The following TBC1D15 variants were observed in gnomAD, a reference collection of about 807,000 sequenced individuals.
TBC1D15 encodes the protein GAP for RAB7.
TBC1D15 carries 39 observed loss-of-function variants against 95.4 expected under a neutral mutation model. The observed-to-expected ratio is 0.41, with a 90% CI of 0.32 to 0.53. The LOEUF (loss-of-function observed/expected upper bound fraction) is 0.53. Among genes scored for constraint, TBC1D15 ranks in the 20% least tolerant of loss-of-function variants. TBC1D15 has a pLI of 0.29. For missense variants in TBC1D15, 733 were observed against 794.3 expected (o/e 0.92, Z 0.93); for synonymous variants, 258 against 261.3 (o/e 0.99, Z 0.12).
chr12:71,906,011 T>A (rs1900614152), intron 10 of TBC1D15, among the ~76,000 whole-genome samples: 1 of 152,004 alleles, frequency 6.6e-6, no homozygotes. Flanking sequence ...TAGCTGAGAT[T>A]ACAGATGCAC....
rs1423624653 is a variant in TBC1D15 at position 71,884,924 on chromosome 12, T to C, written c.457T>C (p.Cys153Arg). ...EGMGWSYLVFCLKDDVVLPAL... is the reference protein window; with the variant it reads ...EGMGWSYLVFRLKDDVVLPAL... ...TATGGGCTGGTCCTATTTGGTATTCTGTCTAAAGGATGACGTCGTTCTCCC... is the reference window on the plus strand; with the variant it reads ...TATGGGCTGGTCCTATTTGGTATTCCGTCTAAAGGATGACGTCGTTCTCCC... Residue 153 changes from cysteine to arginine, a missense_variant, in exon 5 of 17, where the codon TGT (cysteine) becomes CGT (arginine). By Grantham distance (180) the Cys-to-Arg change is radical. Coordinates refer to ENST00000485960, the MANE Select transcript of TBC1D15 (RefSeq NM_001146213.3). 1 of 1,614,102 alleles carries C rather than the reference T, an allele frequency of 6.2e-7. No individual in the cohort carries two copies. The highest frequency in any genetic ancestry group is 1.7e-5 in the Admixed American group (1 of 60,032).
rs549249536 is a variant in TBC1D15, at chr12:71,869,090, A to G, written c.31-2980A>G. ...TAGATGAACATATTTGTCATCTCAC[A>G]TAGTTACTTTTTTGTGACAACAGCA... On this transcript the variant is annotated intron_variant, in intron 1 of 16. Transcript: ENST00000485960. Among the ~76,000 whole-genome samples, 9 of 152,344 alleles carry G rather than the reference A, an allele frequency of 5.9e-5. No individual in the cohort carries two copies. In the South Asian group the frequency reaches 6.2e-4, roughly 11 times the overall value.
At chr12:71,863,721 T>C (rs1056464091) in intron 1 of TBC1D15, among the ~76,000 whole-genome samples, 1 of 152,014 alleles carries the variant, frequency 6.6e-6, no homozygotes, top group Non-Finnish European at 1.5e-5. Context: ...TTTGTCACTC[T>C]TTTTTTTCCC....
intron 10 of TBC1D15, among the ~76,000 whole-genome samples, chr12:71,905,535 A>G (rs1231793267): frequency 1.3e-5 from 2 of 152,096 alleles, no homozygotes; most frequent in African/African-American, 4.8e-5. Flanking sequence ...CATGTTGCCC[A>G]GGCTGGTCTT....
Position 71,844,330 on chromosome 12 carries a change from T to C in TBC1D15, c.30+4519T>C, listed in dbSNP as rs115100342. Among the ~76,000 whole-genome samples, 980 of 152,362 alleles carry C rather than the reference T, an allele frequency of 6.4e-3. 13 individuals carry two copies. Among genetic ancestry groups the C allele is most frequent in the African/African-American group, 0.022 (910 of 41,600 alleles). ...ATGGCTTATGCAGCCCTTTATGATC[T>C]GATCTGGTCTCTGTTTTTGTTTCTA... is the stretch of plus-strand genomic sequence containing the variant. On this transcript the variant is annotated intron_variant, in intron 1 of 16. Coordinates refer to ENST00000485960, the MANE Select transcript of TBC1D15 (RefSeq NM_001146213.3).
At chr12:71,907,189 G>C (rs1342373658) in intron 11 of TBC1D15, 51 bp downstream of exon 11, 2 of 1,158,076 alleles carry the variant, frequency 1.7e-6, no homozygotes, top group Admixed American at 2.5e-5. Context: ...ATTTACTTTA[G>C]AGTTTACATT....
At chr12:71,853,952 T>C (rs991456511) in intron 1 of TBC1D15, among the ~76,000 whole-genome samples, 1 of 152,214 alleles carries the variant, frequency 6.6e-6, no homozygotes, top group Non-Finnish European at 1.5e-5. Context: ...CATGCACTGT[T>C]CCATACTCTG....
intron 1 of TBC1D15, among the ~76,000 whole-genome samples, chr12:71,848,694 G>A (rs1227976105): frequency 2.0e-5 from 3 of 151,996 alleles, no homozygotes; most frequent in Non-Finnish European, 2.9e-5. Flanking sequence ...AGAAAATAAT[G>A]TTATGTCAAA....
rs1033211418 is a variant in TBC1D15 at position 71,872,041 on chromosome 12, T to C, written c.31-29T>C. On this transcript the variant is annotated intron_variant, in intron 1 of 16. Coordinates refer to ENST00000485960, the MANE Select transcript of TBC1D15 (RefSeq NM_001146213.3). ...TTAAAATAGTACTCAATAGAAATTA[T>C]GTGACTAACTTTATTTTTGCTGTTT... 9.4e-6 allele frequency: 10 copies of C among 1,063,684 alleles called. No individual in the cohort carries two copies. In the East Asian group the frequency reaches 1.9e-4, roughly 21 times the overall value. 65.9% of individuals were successfully genotyped at this position (1,063,684 alleles called of 1,614,324 possible).
chr12:71,864,092 G>C (rs900146763), intron 1 of TBC1D15, among the ~76,000 whole-genome samples: 1 of 150,000 alleles, frequency 6.7e-6, no homozygotes, highest in Non-Finnish European at 1.5e-5. Flanking sequence ...TTTTTGAGAC[G>C]GAGTTTCCCT....
chr12:71,860,407 T>A (rs1890120111), intron 1 of TBC1D15, among the ~76,000 whole-genome samples: 1 of 152,184 alleles, frequency 6.6e-6, no homozygotes, highest in Non-Finnish European at 1.5e-5. Flanking sequence ...TTATTTTATG[T>A]CCTCCTTAAG....
intron 3 of TBC1D15, among the ~76,000 whole-genome samples, chr12:71,878,232 T>G (rs544575393): frequency 6.6e-6 from 1 of 151,468 alleles, no homozygotes; most frequent in Non-Finnish European, 1.5e-5. Context: ...ATTATTCCTT[T>G]GCTCATTGTG....
chr12:71,892,427 CAT>C (rs1488505828), intron 5 of TBC1D15, among the ~76,000 whole-genome samples: 3 of 151,850 alleles, frequency 2.0e-5, no homozygotes, highest in Non-Finnish European at 4.4e-5. Flanking sequence ...TTATTTTAAA[CAT>C]AGAAAATTTG....
At chr12:71,865,674 G>A (rs1409100125) in intron 1 of TBC1D15, among the ~76,000 whole-genome samples, 1 of 152,124 alleles carries the variant, frequency 6.6e-6, no homozygotes, top group Non-Finnish European at 1.5e-5. Context: ...TGCTAATCCA[G>A]CTCCAGGGAA....
At chr12:71,854,309 G>A (rs1274103147) in intron 1 of TBC1D15, among the ~76,000 whole-genome samples, 1 of 152,086 alleles carries the variant, frequency 6.6e-6, no homozygotes, top group African/African-American at 2.4e-5. Context: ...GTTAAATCCA[G>A]CCTGTCATTC....
intron 1 of TBC1D15, among the ~76,000 whole-genome samples, chr12:71,856,133 A>C (rs1357526330): frequency 6.6e-6 from 1 of 152,190 alleles, no homozygotes; most frequent in Non-Finnish European, 1.5e-5. Flanking sequence ...CTGCCAGATG[A>C]ACTGGAAGAT....
intron 7 of TBC1D15, 24 bp from the exon 8 acceptor site, chr12:71,895,923 A>C (rs751464906): frequency 6.2e-7 from 1 of 1,606,502 alleles, no homozygotes; most frequent in South Asian, 1.1e-5. Context: ...ATATGTACTT[A>C]TTATTGCTTA....
chr12:71,909,554 A>G (rs1201713256), intron 11 of TBC1D15, among the ~76,000 whole-genome samples: 1 of 152,206 alleles, frequency 6.6e-6, no homozygotes, highest in East Asian at 1.9e-4. Flanking sequence ...AGGTTAAATT[A>G]GGAGAGTGTC....
At chr12:71,921,866 TATTA>T (rs904708833) in intron 16 of TBC1D15, among the ~76,000 whole-genome samples, 4 of 152,190 alleles carry the variant, frequency 2.6e-5, no homozygotes, top group South Asian at 2.1e-4. Context: ...TTAGTCAAGT[TATTA>T]ATTATTTTAA....
Sources: allele counts gnomAD v4.1 joint callset (sites outside exome capture counted in the v4.1 genomes callset), GRCh38; gene constraint gnomAD v4.1.1; transcripts MANE v1.5; gene names NCBI Gene and HGNC (gene_info 2026-07-23, HGNC 2026-07-21).